LSAMP: variants seen among roughly 807,000 people sequenced by gnomAD.
The protein encoded by LSAMP is limbic system-associated membrane protein.
In LSAMP, 7 loss-of-function variants were observed where a neutral mutation model predicts 38.6. The ratio of observed to expected loss-of-function variants is 0.18; its 90% CI spans 0.10 to 0.34. The LOEUF (loss-of-function observed/expected upper bound fraction) is 0.34, where lower values mean the gene tolerates loss of function less well. Among genes scored for constraint, LSAMP ranks in the 10% least tolerant of loss-of-function variants. LSAMP has a pLI of 1.00. For synonymous variants in LSAMP, 154 were observed against 166.8 expected (o/e 0.92, Z 0.59); for missense variants, 313 against 420.0 (o/e 0.75, Z 2.23).
At chr3:116,029,587 G>A (rs977266389) in intron 2 of LSAMP, among the ~76,000 whole-genome samples, 12 of 152,128 alleles carry the variant, frequency 7.9e-5, no homozygotes, top group Non-Finnish European at 1.6e-4. Context: ...ACAAAGCAAT[G>A]CTAGGTACCG....
At chr3:116,265,473 G>A (rs562393564) in intron 1 of LSAMP, among the ~76,000 whole-genome samples, 4 of 152,210 alleles carry the variant, frequency 2.6e-5, no homozygotes, top group South Asian at 2.1e-4. Flanking sequence ...TCTCGTATCC[G>A]AAGAAATTCG....
rs147169379 is a variant in LSAMP at position 115,908,874 on chromosome 3, C to G, written c.515-56257G>C. On this transcript the variant is annotated intron_variant, in intron 3 of 6. Coordinates refer to ENST00000490035, the MANE Select transcript of LSAMP (RefSeq NM_002338.5). The stretch of plus-strand genomic sequence containing the variant: ...CTGTCTAGATGTTTGACCTTCTGTC[C>G]GGCACTTCTGTCTTCAGTCAAGAGT... Among the ~76,000 whole-genome samples, 590 of 152,198 alleles carry G rather than the reference C, an allele frequency of 3.9e-3. 5 individuals are homozygous for G. Among genetic ancestry groups the G allele is most frequent in the African/African-American group, 0.014 (570 of 41,536 alleles).
intron 3 of LSAMP, among the ~76,000 whole-genome samples, chr3:115,981,100 A>G (rs1411856263): frequency 6.6e-6 from 1 of 152,148 alleles, no homozygotes; most frequent in Non-Finnish European, 1.5e-5. Flanking sequence ...CATGGCATTC[A>G]TGGTGTGAAA....
At chr3:116,348,284 T>C (rs1329169869) in intron 1 of LSAMP, among the ~76,000 whole-genome samples, 1 of 152,088 alleles carries the variant, frequency 6.6e-6, no homozygotes, top group African/African-American at 2.4e-5. Flanking sequence ...TTGATCCAGG[T>C]CAGAATAAAC....
At chr3:116,273,045 A>G (rs1208460905) in intron 1 of LSAMP, among the ~76,000 whole-genome samples, 2 of 152,124 alleles carry the variant, frequency 1.3e-5, no homozygotes, top group Admixed American at 1.3e-4. Context: ...AACACTACTT[A>G]GAATTGCTCA....
rs996289032 is a variant in LSAMP, at chr3:116,283,399, C to G, written c.155+161478G>C. ...AGAGGGAAATAAGGAAAAGGCATCC[C>G]TTTTCCCTGACTGAATTACACTTTA... On this transcript the variant is annotated intron_variant, in intron 1 of 6. Transcript: ENST00000490035. 2.0e-5 allele frequency among the ~76,000 whole-genome samples: 3 copies of G among 152,118 alleles called. No individual in the cohort carries two copies. The East Asian group carries it at 5.8e-4, about 29-fold the overall frequency.
In LSAMP at chr3:116,222,961, A is replaced by G. The variant is rs58545612; in HGVS notation, c.156-136405T>C. 7.9e-5 allele frequency among the ~76,000 whole-genome samples: 12 copies of G among 151,390 alleles called. No individual in the cohort carries two copies. In the East Asian group the frequency reaches 2.3e-3, roughly 30 times the overall value. On this transcript the variant is annotated intron_variant, in intron 1 of 6. Coordinates refer to ENST00000490035, the MANE Select transcript of LSAMP (RefSeq NM_002338.5). ...CACCGTGTTAGCCAGGATGGTCTCG[A>G]TCTCCTGACCTCGTGATCCGCCTGC...
chr3:116,156,118 A>T (rs1709741376), intron 1 of LSAMP, among the ~76,000 whole-genome samples: 1 of 152,120 alleles, frequency 6.6e-6, no homozygotes, highest in African/African-American at 2.4e-5. Context: ...ACTGGTGAAA[A>T]TTCCAGCTCT....
At chr3:116,178,313 C>A (rs534708337) in intron 1 of LSAMP, among the ~76,000 whole-genome samples, 8 of 152,234 alleles carry the variant, frequency 5.3e-5, no homozygotes, top group African/African-American at 1.7e-4. Context: ...ACTACAGGCA[C>A]ACGCCACCAT....
At chr3:115,879,711 A>G (rs1936274500) in intron 3 of LSAMP, among the ~76,000 whole-genome samples, 1 of 152,156 alleles carries the variant, frequency 6.6e-6, no homozygotes. Flanking sequence ...CTAATTGGCT[A>G]AGCCAATGTG....
At chr3:115,867,822 A>C (rs1034316862) in intron 3 of LSAMP, among the ~76,000 whole-genome samples, 2 of 152,306 alleles carry the variant, frequency 1.3e-5, no homozygotes, top group South Asian at 4.1e-4. Flanking sequence ...TTGATATGAC[A>C]TATAATAATC....
At chr3:115,883,119 T>C (rs1936364485) in intron 3 of LSAMP, among the ~76,000 whole-genome samples, 1 of 152,058 alleles carries the variant, frequency 6.6e-6, no homozygotes, top group Non-Finnish European at 1.5e-5. Flanking sequence ...AAGCATTATT[T>C]ATATTTTTCT....
chr3:116,067,668 G>A (rs374285977), intron 2 of LSAMP, among the ~76,000 whole-genome samples: 11 of 151,986 alleles, frequency 7.2e-5, no homozygotes, highest in Non-Finnish European at 4.4e-5. Flanking sequence ...TTTTAACTCC[G>A]TTAAAGAACA....
At chr3:115,948,697 A>T (rs1464610667) in intron 3 of LSAMP, among the ~76,000 whole-genome samples, 1 of 152,232 alleles carries the variant, frequency 6.6e-6, no homozygotes, top group African/African-American at 2.4e-5. Context: ...ACAAACAGAC[A>T]ATGTAACATC....
chr3:116,027,431 C>T (rs1245741080), intron 2 of LSAMP, among the ~76,000 whole-genome samples: 1 of 152,066 alleles, frequency 6.6e-6, no homozygotes, highest in Non-Finnish European at 1.5e-5. Flanking sequence ...TTCTGTTTTC[C>T]TTCAATTCTG....
intron 1 of LSAMP, among the ~76,000 whole-genome samples, chr3:116,291,141 C>T (rs1418524763): frequency 6.6e-6 from 1 of 152,142 alleles, no homozygotes; most frequent in Non-Finnish European, 1.5e-5. Flanking sequence ...CCCAATCTAA[C>T]CTACTTACTC....
At chr3:115,826,719 C>G (rs1044027646) in intron 6 of LSAMP, among the ~76,000 whole-genome samples, 1 of 152,022 alleles carries the variant, frequency 6.6e-6, no homozygotes, top group African/African-American at 2.4e-5. Flanking sequence ...TTAACCTGTG[C>G]CAAAAAATGA....
intron 1 of LSAMP, among the ~76,000 whole-genome samples, chr3:116,270,018 T>C (rs1413123323): frequency 6.6e-6 from 1 of 152,158 alleles, no homozygotes; most frequent in African/African-American, 2.4e-5. Context: ...ACATGACAAA[T>C]TTTTCTAAAA....
At chr3:116,216,927 G>A (rs1483178466) in intron 1 of LSAMP, among the ~76,000 whole-genome samples, 1 of 152,186 alleles carries the variant, frequency 6.6e-6, no homozygotes, top group Non-Finnish European at 1.5e-5. Context: ...TCAGAACCAT[G>A]ATGGAAGAAG....
Sources: allele counts gnomAD v4.1 joint callset (sites outside exome capture counted in the v4.1 genomes callset), GRCh38; gene constraint gnomAD v4.1.1; transcripts MANE v1.5; gene names NCBI Gene and HGNC (gene_info 2026-07-23, HGNC 2026-07-21).